The following CADM2 variants were observed in gnomAD, a reference collection of about 807,000 sequenced individuals.
CADM2 encodes immunoglobulin superfamily member 4D.
Under a neutral mutation model 49.8 loss-of-function variants are expected in CADM2, and 12 were observed. The observed-to-expected ratio is 0.24, with a 90% CI of 0.15 to 0.39. CADM2 has a LOEUF of 0.39. Ranked by LOEUF, CADM2 falls within the 10% of genes least tolerant of loss-of-function variation. The pLI, the probability that CADM2 is intolerant of heterozygous loss-of-function variation, is 1.00. For missense variants in CADM2, 378 were observed against 492.3 expected (o/e 0.77, Z 2.20); for synonymous variants, 214 against 175.4 (o/e 1.22, Z -1.74).
intron 1 of CADM2, among the ~76,000 whole-genome samples, chr3:85,321,082 A>C (rs781303471): frequency 1.6e-5 from 2 of 122,758 alleles, no homozygotes; most frequent in Non-Finnish European, 3.3e-5. Flanking sequence ...TACTCATAAT[A>C]GATATATACA....
At chr3:86,062,921 T>C (rs1738858242) in intron 8 of CADM2, among the ~76,000 whole-genome samples, 1 of 152,094 alleles carries the variant, frequency 6.6e-6, no homozygotes, top group Non-Finnish European at 1.5e-5. Context: ...ATGTGTGAGG[T>C]ATTTTTATCG....
intron 1 of CADM2, among the ~76,000 whole-genome samples, chr3:85,603,574 G>A (rs916635049): frequency 4.0e-5 from 6 of 151,692 alleles, no homozygotes; most frequent in African/African-American, 1.4e-4. Flanking sequence ...AAACAAAGGG[G>A]CTATTCACTG....
At chr3:85,469,137 T>G (rs2038654179) in intron 1 of CADM2, among the ~76,000 whole-genome samples, 1 of 152,200 alleles carries the variant, frequency 6.6e-6, no homozygotes, top group Admixed American at 6.5e-5. Flanking sequence ...CAAGGGCACA[T>G]ACCACAGCCT....
chr3:85,636,770 TATC>T (rs1179645603), intron 1 of CADM2, among the ~76,000 whole-genome samples: 2 of 152,192 alleles, frequency 1.3e-5, no homozygotes, highest in African/African-American at 4.8e-5. Flanking sequence ...CACAAATACT[TATC>T]ATTATATTAT....
At chr3:86,035,443 A>C (rs1331664873) in intron 8 of CADM2, among the ~76,000 whole-genome samples, 1 of 152,086 alleles carries the variant, frequency 6.6e-6, no homozygotes, top group African/African-American at 2.4e-5. Context: ...TCTCACCTTC[A>C]GTGATCAGTT....
intron 1 of CADM2, among the ~76,000 whole-genome samples, chr3:85,637,931 A>C (rs1165124183): frequency 6.6e-6 from 1 of 152,216 alleles, no homozygotes; most frequent in Non-Finnish European, 1.5e-5. Context: ...AATCAAAGGC[A>C]TCAAGGTCCC....
At chr3:85,940,902 G>A (rs1164697815) in intron 7 of CADM2, among the ~76,000 whole-genome samples, 5 of 151,432 alleles carry the variant, frequency 3.3e-5, no homozygotes, top group Non-Finnish European at 4.4e-5. Context: ...TGAGTGGAAA[G>A]TACAAAGATT....
intron 1 of CADM2, among the ~76,000 whole-genome samples, chr3:85,721,836 C>T (rs1162743924): frequency 6.6e-6 from 1 of 152,198 alleles, no homozygotes; most frequent in African/African-American, 2.4e-5. Context: ...CATGTCTCAG[C>T]TCTGTTTCTG....
chr3:86,005,584 A>AGGTGTATATATTTATGT (rs1216181847), intron 8 of CADM2, among the ~76,000 whole-genome samples: 2 of 151,978 alleles, frequency 1.3e-5, no homozygotes, highest in Admixed American at 1.3e-4. Flanking sequence ...AGCATATAAT[A>AGGTGTATATATTTATGT]GGTGTATATA....
At chr3:85,926,766 G>A (rs1275702680) in intron 6 of CADM2, among the ~76,000 whole-genome samples, 1 of 152,084 alleles carries the variant, frequency 6.6e-6, no homozygotes, top group East Asian at 1.9e-4. Flanking sequence ...CTGTCAATGA[G>A]GAAAACGATG....
chr3:84,992,697 G>A (rs9881257), intron 1 of CADM2, among the ~76,000 whole-genome samples: 46,342 of 151,942 alleles, frequency 0.3, 7,443 homozygotes, highest in Non-Finnish European at 0.34. Flanking sequence ...TAATAATTGG[G>A]ACTCTTAGTA....
chr3:85,932,738 G>T (rs1720758502), intron 6 of CADM2, among the ~76,000 whole-genome samples: 1 of 152,072 alleles, frequency 6.6e-6, no homozygotes, highest in African/African-American at 2.4e-5. Flanking sequence ...GTTTTTGTGT[G>T]TGTGTGTTTC....
intron 8 of CADM2, among the ~76,000 whole-genome samples, chr3:86,041,818 A>G (rs566196402): frequency 6.6e-6 from 1 of 152,328 alleles, no homozygotes; most frequent in Admixed American, 6.5e-5. Context: ...AAAATTGACA[A>G]CATAGTTGGA....
chr3:86,012,788 A>G, intron 8 of CADM2: 2 of 586,806 alleles, frequency 3.4e-6, no homozygotes, highest in South Asian at 1.8e-5. Flanking sequence ...CATCCTGGCT[A>G]ACACGGTGAA....
chr3:85,438,319 C>G (rs1188711556), intron 1 of CADM2, among the ~76,000 whole-genome samples: 1 of 150,882 alleles, frequency 6.6e-6, no homozygotes, highest in African/African-American at 2.4e-5. Flanking sequence ...AAATATGGAT[C>G]ATTATCTGTA....
At chr3:85,892,790 A>C (rs1354043502) in intron 5 of CADM2, among the ~76,000 whole-genome samples, 1 of 152,196 alleles carries the variant, frequency 6.6e-6, no homozygotes, top group Non-Finnish European at 1.5e-5. Flanking sequence ...GGCGACTCTG[A>C]AACTGGGTAA....
At chr3:86,037,244 C>G (rs1485420329) in intron 8 of CADM2, among the ~76,000 whole-genome samples, 3 of 152,092 alleles carry the variant, frequency 2.0e-5, no homozygotes, top group African/African-American at 7.2e-5. Context: ...CCCATACTTG[C>G]TACTTTTGTT....
chr3:85,866,535 T>G (rs1401855002), intron 3 of CADM2, among the ~76,000 whole-genome samples: 2 of 152,332 alleles, frequency 1.3e-5, no homozygotes, highest in African/African-American at 4.8e-5. Flanking sequence ...AATTATCACC[T>G]ACGTATTTTA....
At chr3:85,336,890 T>C (rs1321948002) in intron 1 of CADM2, among the ~76,000 whole-genome samples, 1 of 142,458 alleles carries the variant, frequency 7.0e-6, no homozygotes, top group African/African-American at 2.6e-5. Context: ...ATGAATTATA[T>C]ATATATAGCT....
Sources: allele counts gnomAD v4.1 joint callset (sites outside exome capture counted in the v4.1 genomes callset), GRCh38; gene constraint gnomAD v4.1.1; transcripts MANE v1.5; gene names NCBI Gene and HGNC (gene_info 2026-07-23, HGNC 2026-07-21).